Variants in ZNF93 observed in about 807,000 individuals in gnomAD.
ZNF93 encodes the protein zinc finger protein 505.
A neutral mutation model predicts 45.0 loss-of-function variants in ZNF93; 29 were observed. The ratio of observed to expected loss-of-function variants is 0.64; its 90% CI spans 0.48 to 0.88. The LOEUF is 0.88. ZNF93 is among the 40% of genes least tolerant of loss of function. The probability of loss-of-function intolerance (pLI) is 0.00; values close to 1 mark genes in which losing one functional copy is unlikely to be tolerated. For synonymous variants in ZNF93, 223 were observed against 244.6 expected (o/e 0.91, Z 0.82); for missense variants, 578 against 724.0 (o/e 0.80, Z 2.31).
intron 1 of ZNF93, among the ~76,000 whole-genome samples, chr19:19,915,066 T>A (rs2063319425): frequency 6.6e-6 from 1 of 152,200 alleles, no homozygotes; most frequent in Admixed American, 6.5e-5. Flanking sequence ...TAGAAAAATA[T>A]CATATATGAA....
At position 19,933,575 on chromosome 19, in the gene ZNF93, G is replaced by A. The variant is rs540269738; in HGVS notation, c.620G>A (p.Gly207Asp). ...GEKPYICEEC[G>D]KAFKYSSALN... ...AAACCCTACATTTGTGAAGAATGTGGCAAAGCCTTTAAGTACTCCTCTGCC... is the reference window on the plus strand; with the variant it reads ...AAACCCTACATTTGTGAAGAATGTGACAAAGCCTTTAAGTACTCCTCTGCC... Residue 207 changes from glycine (G) to aspartate (D), a missense_variant, in exon 4 of 4, where the codon GGC (glycine) becomes GAC (aspartate). By Grantham distance (94) the Gly-to-Asp change is moderately conservative. Coordinates refer to ENST00000343769, the MANE Select transcript of ZNF93 (RefSeq NM_031218.4). 2 of 1,607,870 alleles carry A rather than the reference G, an allele frequency of 1.2e-6. No homozygotes were observed.
chr19:19,912,107 A>G (rs900771772), intron 1 of ZNF93, among the ~76,000 whole-genome samples: 2 of 152,164 alleles, frequency 1.3e-5, no homozygotes, highest in Non-Finnish European at 2.9e-5. Flanking sequence ...TAATAAAATT[A>G]CCCTAGAAAA....
At chr19:19,902,393 G>C (rs1473966375) in intron 1 of ZNF93, among the ~76,000 whole-genome samples, 1 of 151,960 alleles carries the variant, frequency 6.6e-6, no homozygotes, top group Non-Finnish European at 1.5e-5. Context: ...CAAGTAGCTG[G>C]GATTACAGGC....
intron 2 of ZNF93, among the ~76,000 whole-genome samples, 170 bp downstream of exon 2, chr19:19,915,576 T>G (rs2063321382): frequency 6.6e-6 from 1 of 152,158 alleles, no homozygotes; most frequent in African/African-American, 2.4e-5. Flanking sequence ...TCAGTGCCTC[T>G]TGCCTGTATA....
At position 19,916,089 on chromosome 19, in the gene ZNF93, C is replaced by T. The variant is rs558752639; in HGVS notation, c.131-471C>T. Among the ~76,000 whole-genome samples, 6 of 135,266 alleles carry T rather than the reference C, an allele frequency of 4.4e-5. No homozygotes were observed. In the South Asian group the frequency reaches 1.2e-3, roughly 26 times the overall value. 88.7% of individuals were successfully genotyped at this position (135,266 alleles called of 152,430 possible). On this transcript the variant is annotated intron_variant, in intron 2 of 3. Transcript: ENST00000343769. Reference sequence around the variant, plus strand: ...TTTTCCTTTTTTTTTTTTTTTGAGACGGAGTCTTGCTCTGTCACCCAGGCT... The same window carrying T: ...TTTTCCTTTTTTTTTTTTTTTGAGATGGAGTCTTGCTCTGTCACCCAGGCT...
At chr19:19,929,116 G>A (rs1568512896) in intron 3 of ZNF93, among the ~76,000 whole-genome samples, 1 of 152,122 alleles carries the variant, frequency 6.6e-6, no homozygotes, top group Non-Finnish European at 1.5e-5. Context: ...ATTCAAATAA[G>A]AGCTGGTTCA....
At chr19:19,927,284 TACTTGGGAG>T in intron 3 of ZNF93, 3 of 398,088 alleles carry the variant, frequency 7.5e-6, no homozygotes, top group Non-Finnish European at 1.3e-5. Context: ...TGGTCCCAGC[TACTTGGGAG>T]ATTGAAGGGA....
rs113458709 is a variant in ZNF93, at chr19:19,916,925, G to A, written c.226+270G>A. On this transcript the variant is annotated intron_variant, in intron 3 of 3. Coordinates refer to ENST00000343769, the MANE Select transcript of ZNF93 (RefSeq NM_031218.4). ...AGTGAGAGCCACAGTCCTCTTGATG[G>A]CATATAAGAGATTATACAATCTGGC... Among the ~76,000 whole-genome samples, 379 of 152,148 alleles carry A rather than the reference G, an allele frequency of 2.5e-3. 4 individuals carry two copies. The highest frequency in any genetic ancestry group is 0.01 in the Middle Eastern group (3 of 294).
In ZNF93 at chr19:19,933,184, A is replaced by G. The variant is rs777696954; in HGVS notation, c.229A>G (p.Ile77Val). ...RHEMVANPSV[I>V]CSHFAQDLWP... ...TGTGTTTTTATTGTTTCTTTCAGTTATATGTTCTCATTTTGCCCAAGATCT... is the reference window on the plus strand; with the variant it reads ...TGTGTTTTTATTGTTTCTTTCAGTTGTATGTTCTCATTTTGCCCAAGATCT... The change falls in exon 4 of 4, where the codon ATA becomes GTA. Residue 77 changes from isoleucine to valine, a missense_variant and splice_region_variant. Ile to Val is a conservative substitution (Grantham distance 29, BLOSUM62 3). Around this residue, in one of 3 missense-constraint regions of ZNF93, gnomAD observed 446 missense variants for 547.6 expected, o/e 0.81. Transcript: ENST00000343769. The G allele has an allele frequency of 2.0e-6, 3 of 1,521,388 alleles. No homozygotes were observed. Among genetic ancestry groups the G allele is most frequent in the Non-Finnish European group, 2.6e-6 (3 of 1,135,214 alleles). The allele number at this position is 1,521,388 out of a possible 1,614,324, so 94.2% of individuals were successfully genotyped here. A position where few individuals can be genotyped will look rare whatever the true frequency, so the allele number is the denominator to read the frequency against.
At chr19:19,930,381 G>A (rs1243772868) in intron 3 of ZNF93, among the ~76,000 whole-genome samples, 3 of 152,206 alleles carry the variant, frequency 2.0e-5, no homozygotes, top group Admixed American at 6.5e-5. Flanking sequence ...GAGACGGTTA[G>A]GCCTCCGGAT....
intron 1 of ZNF93, among the ~76,000 whole-genome samples, chr19:19,905,483 A>G (rs988941906): frequency 4.6e-5 from 7 of 152,092 alleles, no homozygotes; most frequent in Admixed American, 1.3e-4. Context: ...CTATTTCTGC[A>G]TTAGTTTTCT....
intron 3 of ZNF93, among the ~76,000 whole-genome samples, chr19:19,922,211 TTGGC>T (rs1252555259): frequency 1.3e-5 from 2 of 152,168 alleles, no homozygotes; most frequent in Non-Finnish European, 2.9e-5. Flanking sequence ...GAAGCTTAGT[TTGGC>T]TGGGTATGAA....
chr19:19,922,963 T>C (rs2063346077), intron 3 of ZNF93, among the ~76,000 whole-genome samples: 1 of 152,240 alleles, frequency 6.6e-6, no homozygotes, highest in African/African-American at 2.4e-5. Flanking sequence ...TTCAGCTTTG[T>C]TCCATTGCTG....
Position 19,934,729 on chromosome 19 carries a change from C to T in ZNF93, c.1774C>T (p.Pro592Ser), listed in dbSNP as rs1446203404. Residue 592 changes from proline to serine, a missense_variant, in exon 4 of 4, where the codon CCA (proline) becomes TCA (serine). Coordinates refer to ENST00000343769, the MANE Select transcript of ZNF93 (RefSeq NM_031218.4). ...SHKKIHSGEK[P>S]YECDKCGKAF... ...TAAGAAAATCCATTCTGGAGAGAAA[C>T]CATACGAGTGTGATAAATGTGGCAA... The T allele has an allele frequency of 6.2e-7, 1 of 1,613,228 alleles. No homozygotes were observed. The highest frequency in any genetic ancestry group is 2.2e-5 in the East Asian group (1 of 44,872).
chr19:19,923,342 G>A (rs1313569728), intron 3 of ZNF93, among the ~76,000 whole-genome samples: 1 of 152,186 alleles, frequency 6.6e-6, no homozygotes, highest in Non-Finnish European at 1.5e-5. Flanking sequence ...GTGTCAATCT[G>A]CTCCTACTTG....
At chr19:19,923,454 G>C (rs2063347405) in intron 3 of ZNF93, among the ~76,000 whole-genome samples, 1 of 152,178 alleles carries the variant, frequency 6.6e-6, no homozygotes, top group African/African-American at 2.4e-5. Flanking sequence ...AACCACTACT[G>C]TCTTCCAAGC....
chr19:19,901,882 G>C (rs1309925246), intron 1 of ZNF93, among the ~76,000 whole-genome samples: 1 of 152,120 alleles, frequency 6.6e-6, no homozygotes, highest in Admixed American at 6.5e-5. Context: ...ACAAGGTCAG[G>C]AGTTCTAGGC....
At chr19:19,917,147 A>G (rs751040668) in intron 3 of ZNF93, among the ~76,000 whole-genome samples, 1 of 152,160 alleles carries the variant, frequency 6.6e-6, no homozygotes, top group Non-Finnish European at 1.5e-5. Flanking sequence ...AATTATACAT[A>G]TGATATGCTT....
intron 1 of ZNF93, among the ~76,000 whole-genome samples, chr19:19,905,450 A>C (rs1465986314): frequency 6.6e-6 from 1 of 152,014 alleles, no homozygotes; most frequent in African/African-American, 2.4e-5. Flanking sequence ...CTCCCTTGTA[A>C]ATAACAACAT....
Sources: gnomAD v4.1 joint callset for allele counts (sites outside exome capture counted in the v4.1 genomes callset) on GRCh38, gnomAD v4.1.1 for gene constraint, gnomAD v4.1.1 regional missense constraint, MANE v1.5 for transcripts, NCBI Gene and HGNC (gene_info 2026-07-23, HGNC 2026-07-21) for gene names.